Variants in CFAP300 observed in about 807,000 individuals in gnomAD.
CFAP300 encodes cilia- and flagella-associated protein 300.
A neutral mutation model predicts 33.0 loss-of-function variants in CFAP300; 32 were observed. The ratio of observed to expected loss-of-function variants is 0.97; its 90% CI spans 0.73 to 1.30. The LOEUF (loss-of-function observed/expected upper bound fraction) is 1.30, where lower values mean the gene tolerates loss of function less well. Among genes scored for constraint, CFAP300 ranks in the 50% most tolerant of loss-of-function variants. The pLI, the probability that CFAP300 is intolerant of heterozygous loss-of-function variation, is 0.00. For missense variants in CFAP300, 356 were observed against 318.1 expected (o/e 1.12, Z -0.90); for synonymous variants, 102 against 106.8 (o/e 0.95, Z 0.28).
At chr11:102,070,235 A>G (rs1942292346) in intron 4 of CFAP300, among the ~76,000 whole-genome samples, 1 of 152,122 alleles carries the variant, frequency 6.6e-6, no homozygotes, top group African/African-American at 2.4e-5. Flanking sequence ...TCCCTTACCT[A>G]TATTTTCCTA....
intron 2 of CFAP300, among the ~76,000 whole-genome samples, chr11:102,058,221 T>A (rs1474847945): frequency 6.6e-6 from 1 of 152,076 alleles, no homozygotes; most frequent in Non-Finnish European, 1.5e-5. Flanking sequence ...CTAATAAATT[T>A]TCTTCTGCCT....
chr11:102,065,786 G>C (rs1156668811), intron 3 of CFAP300, among the ~76,000 whole-genome samples: 3 of 151,768 alleles, frequency 2.0e-5, no homozygotes, highest in Admixed American at 2.0e-4. Context: ...AAAAAAGTGA[G>C]TTATAAAGCA....
chr11:102,074,051 G>T (rs1303189406), intron 4 of CFAP300, among the ~76,000 whole-genome samples: 2 of 152,150 alleles, frequency 1.3e-5, no homozygotes, highest in Non-Finnish European at 2.9e-5. Flanking sequence ...CTCATTCCCT[G>T]GGGTACAAGA....
At chr11:102,052,873 G>A (rs1941991628) in intron 2 of CFAP300, among the ~76,000 whole-genome samples, 1 of 152,110 alleles carries the variant, frequency 6.6e-6, no homozygotes, top group African/African-American at 2.4e-5. Flanking sequence ...TCTCCACGCT[G>A]CAGCCAGAAT....
At chr11:102,065,439 G>T (rs556662222) in intron 3 of CFAP300, among the ~76,000 whole-genome samples, 2 of 152,012 alleles carry the variant, frequency 1.3e-5, no homozygotes, top group South Asian at 4.2e-4. Context: ...ATGTTTTCAA[G>T]ATACACTCAA....
In CFAP300 at chr11:102,069,881, T is replaced by G. The variant is rs535837753; in HGVS notation, c.435+3230T>G. ...ACTTGGAAGGCGGAGGTGGGAGGAT[T>G]GCCTGAACTCAGGAAGTTGAAGCTG... On this transcript the variant is annotated intron_variant, in intron 4 of 6. Coordinates refer to ENST00000434758, the MANE Select transcript of CFAP300 (RefSeq NM_032930.3). Among the ~76,000 whole-genome samples, 3 of 152,098 alleles carry G rather than the reference T, an allele frequency of 2.0e-5. No individual in the cohort carries two copies. In the East Asian group the frequency reaches 5.8e-4, roughly 29 times the overall value.
At chr11:102,082,768 A>T (rs1244085172) in intron 6 of CFAP300, among the ~76,000 whole-genome samples, 1 of 152,108 alleles carries the variant, frequency 6.6e-6, no homozygotes, top group Admixed American at 6.6e-5. Flanking sequence ...GGAGGCCGAG[A>T]CAGGTGGATC....
At chr11:102,070,987 T>C (rs1942305446) in intron 4 of CFAP300, among the ~76,000 whole-genome samples, 2 of 152,198 alleles carry the variant, frequency 1.3e-5, no homozygotes, top group Non-Finnish European at 1.5e-5. Context: ...TGAAGAATGT[T>C]CCATGTGCTG....
chr11:102,070,197 C>T (rs1409056750), intron 4 of CFAP300, among the ~76,000 whole-genome samples: 1 of 151,982 alleles, frequency 6.6e-6, no homozygotes, highest in East Asian at 1.9e-4. Context: ...TGTGGCACAC[C>T]CAGAGAGCAA....
chr11:102,066,760 C>T (rs1021684214), intron 4 of CFAP300, 109 bp downstream of exon 4: 3 of 868,542 alleles, frequency 3.5e-6, no homozygotes, highest in Non-Finnish European at 5.3e-6. Flanking sequence ...TAAAATACCA[C>T]CTATTTATAA....
intron 1 of CFAP300, 82 bp from the exon 2 acceptor site, chr11:102,047,733 A>G (rs1941904127): frequency 6.5e-7 from 1 of 1,526,724 alleles, no homozygotes; most frequent in East Asian, 2.3e-5. Flanking sequence ...GGAAGGGCGG[A>G]TGCTGTGGGT....
rs755746932 is a variant in CFAP300, at chr11:102,083,249, A to G, written c.*50A>G. The G allele has an allele frequency of 5.5e-6, 7 of 1,278,716 alleles. No homozygotes were observed. The South Asian group carries it at 9.6e-5, about 18-fold the overall frequency. 79.2% of individuals were successfully genotyped at this position (1,278,716 alleles called of 1,614,324 possible). A position where few individuals can be genotyped will look rare whatever the true frequency, so the allele number is the denominator to read the frequency against. Reference sequence around the variant, plus strand: ...ACTATTTTGTATTTATCATTTTTCTATCTTAATACTAACTTATAGATAAAC... The same window carrying G: ...ACTATTTTGTATTTATCATTTTTCTGTCTTAATACTAACTTATAGATAAAC... On this transcript the variant is annotated 3_prime_UTR_variant, in exon 7 of 7. Coordinates refer to ENST00000434758, the MANE Select transcript of CFAP300 (RefSeq NM_032930.3).
chr11:102,067,814 G>A (rs1039146347), intron 4 of CFAP300, among the ~76,000 whole-genome samples: 9 of 152,160 alleles, frequency 5.9e-5, no homozygotes, highest in African/African-American at 2.2e-4. Flanking sequence ...AGCTGAGGTG[G>A]GAGGATTGCT....
intron 2 of CFAP300, among the ~76,000 whole-genome samples, chr11:102,051,698 CA>C (rs1941973793): frequency 6.6e-6 from 1 of 151,894 alleles, no homozygotes; most frequent in Admixed American, 6.6e-5. Context: ...TTTCCCCTTA[CA>C]CATTTTTATT....
At chr11:102,064,284 G>A (rs925949136) in intron 3 of CFAP300, among the ~76,000 whole-genome samples, 4 of 152,128 alleles carry the variant, frequency 2.6e-5, no homozygotes, top group Non-Finnish European at 4.4e-5. Flanking sequence ...CCCGATGTCA[G>A]TCCCTCCTCC....
chr11:102,066,410 G>A (rs1209991767), intron 3 of CFAP300, 75 bp from the exon 4 acceptor site: 6 of 1,003,940 alleles, frequency 6.0e-6, no homozygotes, highest in African/African-American at 3.3e-5. Flanking sequence ...TCTGCATAGC[G>A]ATTTATTTTG....
chr11:102,060,161 G>C (rs764604399), intron 3 of CFAP300, among the ~76,000 whole-genome samples: 1 of 152,050 alleles, frequency 6.6e-6, no homozygotes, highest in Non-Finnish European at 1.5e-5. Flanking sequence ...TAGTAGAGAC[G>C]GGGTTTCGCC....
At position 102,081,291 on chromosome 11, in the gene CFAP300, A is replaced by C. The variant is rs1262142883; in HGVS notation, c.675+10A>C. 1.2e-6 allele frequency: 2 copies of C among 1,609,980 alleles called. No homozygotes were observed. Among genetic ancestry groups the C allele is most frequent in the Non-Finnish European group, 1.7e-6 (2 of 1,177,638 alleles). Reference sequence around the variant, plus strand: ...TAAAGTTTCAGCTTATGTAAGTGTGAGAGAACTTTTGCAACCAAAGAATTT... The same window carrying C: ...TAAAGTTTCAGCTTATGTAAGTGTGCGAGAACTTTTGCAACCAAAGAATTT... On this transcript the variant is annotated intron_variant, in intron 6 of 6. Coordinates refer to ENST00000434758, the MANE Select transcript of CFAP300 (RefSeq NM_032930.3).
chr11:102,078,177 G>A lies in CFAP300; in HGVS notation c.608+2132G>A, dbSNP rs139549966. On this transcript the variant is annotated intron_variant, in intron 5 of 6. Transcript: ENST00000434758. ...CAAAGTGCTGGGATTACAGGTGTAAGCCGCCGCGCCCAGTCAGGTCCTTGT... is the reference window on the plus strand; with the variant it reads ...CAAAGTGCTGGGATTACAGGTGTAAACCGCCGCGCCCAGTCAGGTCCTTGT... Among the ~76,000 whole-genome samples, 720 of 152,294 alleles carry A rather than the reference G, an allele frequency of 4.7e-3. 9 individuals carry two copies. Among genetic ancestry groups the A allele is most frequent in the African/African-American group, 0.016 (676 of 41,562 alleles).
Sources: allele counts gnomAD v4.1 joint callset (sites outside exome capture counted in the v4.1 genomes callset), GRCh38; gene constraint gnomAD v4.1.1; transcripts MANE v1.5; gene names NCBI Gene and HGNC (gene_info 2026-07-23, HGNC 2026-07-21).